PCBP3: variants seen among roughly 807,000 people sequenced by gnomAD.
The protein encoded by PCBP3 is poly(rC)-binding protein 3.
PCBP3 carries 25 observed loss-of-function variants against 52.7 expected under a neutral mutation model. The ratio of observed to expected loss-of-function variants is 0.47; its 90% confidence interval spans 0.35 to 0.66. The LOEUF is 0.66. Ranked by LOEUF, PCBP3 falls within the 30% of genes least tolerant of loss-of-function variation. The pLI is 0.01. For missense variants in PCBP3, 391 were observed against 490.3 expected (o/e 0.80, Z 1.91); for synonymous variants, 162 against 183.0 (o/e 0.89, Z 0.93).
At chr21:45,750,999 A>G (rs1226593009) in intron 3 of PCBP3, 1 of 152,098 alleles carries the variant, frequency 6.6e-6, no homozygotes, top group Non-Finnish European at 1.5e-5. Flanking sequence ...CTTGTACATG[A>G]CAGTGATGTT....
At chr21:45,846,138 C>T (rs1435032613) in intron 4 of PCBP3, among the ~76,000 whole-genome samples, 3 of 152,174 alleles carry the variant, frequency 2.0e-5, no homozygotes, top group Non-Finnish European at 2.9e-5. Flanking sequence ...AGGAATGTGT[C>T]GTTCTGTCAT....
At chr21:45,660,260 G>GT (rs1569086764) in intron 1 of PCBP3, among the ~76,000 whole-genome samples, 1 of 151,814 alleles carries the variant, frequency 6.6e-6, no homozygotes, top group South Asian at 2.1e-4. Flanking sequence ...ATTAAAGACC[G>GT]TTTTTTTCTG....
At chr21:45,792,616 A>G (rs62213555) in intron 4 of PCBP3, among the ~76,000 whole-genome samples, 23,312 of 152,286 alleles carry the variant, frequency 0.15, 1,952 homozygotes, top group Middle Eastern at 0.3. Context: ...ATGATGTGCT[A>G]GGAGACAGGG....
chr21:45,844,026 T>C (rs1269817987), intron 4 of PCBP3, among the ~76,000 whole-genome samples: 2 of 152,114 alleles, frequency 1.3e-5, no homozygotes, highest in Non-Finnish European at 2.9e-5. Flanking sequence ...ACCTCACTGC[T>C]CCTTCTTGTA....
In PCBP3 at chr21:45,838,694, G is replaced by C. The variant is rs116174667; in HGVS notation, c.-125-11267G>C. ...TAAGTAAATATATAACAGGTTTGGA[G>C]AATAATACCAATATTATGATTAATG... On this transcript the variant is annotated intron_variant, in intron 4 of 17. Coordinates refer to ENST00000681687, the MANE Select transcript of PCBP3 (RefSeq NM_001384156.1). 5.3e-3 allele frequency among the ~76,000 whole-genome samples: 807 copies of C among 152,208 alleles called. 4 individuals carry two copies. Among genetic ancestry groups the C allele is most frequent in the African/African-American group, 0.018 (755 of 41,532 alleles).
intron 2 of PCBP3, among the ~76,000 whole-genome samples, chr21:45,672,149 G>C (rs1475324566): frequency 6.6e-6 from 1 of 152,090 alleles, no homozygotes; most frequent in Non-Finnish European, 1.5e-5. Context: ...TATAAAAAGA[G>C]GAAGAGAGAC....
chr21:45,843,849 A>C (rs2093748978), intron 4 of PCBP3, among the ~76,000 whole-genome samples: 1 of 152,178 alleles, frequency 6.6e-6, no homozygotes. Context: ...TGTCAGGTAC[A>C]GGGTTTTATA....
At chr21:45,713,284 C>T (rs1044755887) in intron 2 of PCBP3, among the ~76,000 whole-genome samples, 4 of 152,182 alleles carry the variant, frequency 2.6e-5, no homozygotes, top group Non-Finnish European at 5.9e-5. Flanking sequence ...CAGATCTTCT[C>T]GCATTGGCTT....
chr21:45,940,256 G>A (rs1481951723), intron 17 of PCBP3, 57 bp downstream of exon 17: 10 of 1,502,582 alleles, frequency 6.7e-6, no homozygotes, highest in Middle Eastern at 2.3e-4. Flanking sequence ...GCCAGCCGGC[G>A]TTACATCACC....
At chr21:45,908,366 G>T (rs1254781389) in intron 9 of PCBP3, among the ~76,000 whole-genome samples, 3 of 152,166 alleles carry the variant, frequency 2.0e-5, no homozygotes, top group African/African-American at 7.2e-5. Flanking sequence ...CAGAAAGAAC[G>T]CTCTGTGTGG....
chr21:45,682,823 G>A (rs1362756156), intron 2 of PCBP3, among the ~76,000 whole-genome samples: 1 of 152,140 alleles, frequency 6.6e-6, no homozygotes, highest in Non-Finnish European at 1.5e-5. Flanking sequence ...CAAGGTGTTA[G>A]GTAGGCATAT....
chr21:45,694,512 G>A (rs758058153), intron 2 of PCBP3, among the ~76,000 whole-genome samples: 39 of 152,110 alleles, frequency 2.6e-4, no homozygotes, highest in Non-Finnish European at 5.1e-4. Flanking sequence ...CTAGTTTAGT[G>A]GGAAGATGTA....
At chr21:45,833,389 G>T (rs768138638) in intron 4 of PCBP3, among the ~76,000 whole-genome samples, 2 of 152,196 alleles carry the variant, frequency 1.3e-5, no homozygotes, top group East Asian at 3.9e-4. Context: ...CAAGCTGAGG[G>T]TTGCTTCCCA....
At chr21:45,689,264 G>A (rs1358096623) in intron 2 of PCBP3, among the ~76,000 whole-genome samples, 2 of 151,780 alleles carry the variant, frequency 1.3e-5, no homozygotes, top group African/African-American at 4.8e-5. Flanking sequence ...GACCAAATGG[G>A]GTTCAACCTA....
chr21:45,749,841 C>T (rs1023508512), intron 3 of PCBP3: 3 of 152,248 alleles, frequency 2.0e-5, no homozygotes, highest in Non-Finnish European at 2.9e-5. Flanking sequence ...CCAGTCCCCC[C>T]AGTAATGTCT....
chr21:45,653,108 A>T (rs2079793523), intron 1 of PCBP3, among the ~76,000 whole-genome samples: 1 of 152,114 alleles, frequency 6.6e-6, no homozygotes, highest in South Asian at 2.1e-4. Context: ...TTGCCCAAAG[A>T]TCCTGCTTTC....
rs2080052820 is a variant in PCBP3, at chr21:45,656,843, A to T, written c.-278-12031A>T. Among the ~76,000 whole-genome samples, 1 of 151,976 alleles carries T rather than the reference A, an allele frequency of 6.6e-6. No individual in the cohort carries two copies. Among genetic ancestry groups the T allele is most frequent in the African/African-American group, 2.4e-5 (1 of 41,348 alleles). On this transcript the variant is annotated intron_variant, in intron 1 of 17. Transcript: ENST00000681687. This position sits in a 1 kb window ranked among gnomAD's most constrained non-coding sequence, Gnocchi z 4.3. ...CATTTTCTTTTCTTTCTTTCTTGAGACAGAGTTTTGCTCTGTCGCCTAGGC... is the reference window on the plus strand; with the variant it reads ...CATTTTCTTTTCTTTCTTTCTTGAGTCAGAGTTTTGCTCTGTCGCCTAGGC...
At chr21:45,667,522 G>T (rs925536805) in intron 1 of PCBP3, among the ~76,000 whole-genome samples, 3 of 151,906 alleles carry the variant, frequency 2.0e-5, no homozygotes, top group African/African-American at 4.8e-5. Flanking sequence ...TTTTTATTTG[G>T]TTTATTTTTA....
At chr21:45,797,131 G>A (rs189690079) in intron 4 of PCBP3, among the ~76,000 whole-genome samples, 2 of 152,318 alleles carry the variant, frequency 1.3e-5, no homozygotes, top group East Asian at 1.9e-4. Flanking sequence ...CGTGGTGTAT[G>A]GGCCTACAGA....
Sources: gnomAD v4.1 joint callset for allele counts (sites outside exome capture counted in the v4.1 genomes callset) on GRCh38, gnomAD v4.1.1 for gene constraint, Gnocchi (gnomAD v3.1) non-coding constraint, MANE v1.5 for transcripts, NCBI Gene and HGNC (gene_info 2026-07-23, HGNC 2026-07-21) for gene names.